Variants in TBL1XR1 observed in about 807,000 individuals in gnomAD.
TBL1XR1 encodes the protein TBL1X/Y related 1.
In TBL1XR1, 5 loss-of-function variants were observed where a neutral mutation model predicts 66.9. That is an observed-to-expected ratio of 0.07 (90% CI 0.04 to 0.16). The LOEUF (loss-of-function observed/expected upper bound fraction) is 0.16, where lower values mean the gene tolerates loss of function less well. Among genes scored for constraint, TBL1XR1 ranks in the 10% least tolerant of loss-of-function variants. The pLI, the probability that TBL1XR1 is intolerant of heterozygous loss-of-function variation, is 1.00. For synonymous variants in TBL1XR1, 210 were observed against 206.0 expected, an observed-to-expected ratio of 1.02 and a Z score of -0.17; for missense variants, 238 against 623.2, an observed-to-expected ratio of 0.38 and a Z score of 6.58.
At chr3:177,106,934 T>C (rs929471672) in intron 1 of TBL1XR1, among the ~76,000 whole-genome samples, 1 of 151,944 alleles carries the variant, frequency 6.6e-6, no homozygotes, top group African/African-American at 2.4e-5. Context: ...AAAATTATCA[T>C]TTATAAAACT....
intron 3 of TBL1XR1, among the ~76,000 whole-genome samples, chr3:177,057,074 C>T (rs553455359): frequency 1.3e-5 from 2 of 152,246 alleles, no homozygotes; most frequent in Admixed American, 6.5e-5. Context: ...TGTAATCTGG[C>T]TCTTCTGTCT....
In TBL1XR1 at chr3:177,137,230, C is replaced by A. The variant is rs559190945; in HGVS notation, c.-121-38689G>T. 4.6e-5 allele frequency among the ~76,000 whole-genome samples: 7 copies of A among 152,212 alleles called. No homozygotes were observed. The South Asian group carries it at 1.2e-3, about 27-fold the overall frequency. ...TGGCCCGGCATGGCATGGTGGCTTG[C>A]GCCTGTAATCCCAGCACTTTGGGAG... On this transcript the variant is annotated intron_variant, in intron 1 of 15. Transcript: ENST00000457928.
chr3:177,083,412 AT>A (rs1250582018), intron 2 of TBL1XR1, among the ~76,000 whole-genome samples: 1 of 152,202 alleles, frequency 6.6e-6, no homozygotes, highest in African/African-American at 2.4e-5. Flanking sequence ...ATATTTCTCT[AT>A]CTTTCTGCAT....
At chr3:177,066,124 A>G (rs992499028) in intron 2 of TBL1XR1, among the ~76,000 whole-genome samples, 10 of 152,166 alleles carry the variant, frequency 6.6e-5, no homozygotes, top group African/African-American at 2.4e-4. Context: ...GTCCTGCCAC[A>G]TCATGGATTT....
At chr3:177,052,499 G>C (rs1418749540) in intron 4 of TBL1XR1, among the ~76,000 whole-genome samples, 1 of 152,114 alleles carries the variant, frequency 6.6e-6, no homozygotes, top group Admixed American at 6.6e-5. Flanking sequence ...AATATTTCAG[G>C]AACAGGAGAA....
At chr3:177,083,309 ATGTC>A (rs35971834) in intron 2 of TBL1XR1, among the ~76,000 whole-genome samples, 12,963 of 152,122 alleles carry the variant, frequency 0.085, 666 homozygotes, top group South Asian at 0.21. Context: ...TCCCCTCCAA[ATGTC>A]TGTATTAGAA....
chr3:177,106,657 G>A (rs1724929184), intron 1 of TBL1XR1, among the ~76,000 whole-genome samples: 1 of 152,158 alleles, frequency 6.6e-6, no homozygotes, highest in Non-Finnish European at 1.5e-5. Context: ...GCTAATCAGT[G>A]CCTAGCATAG....
intron 10 of TBL1XR1, among the ~76,000 whole-genome samples, 199 bp downstream of exon 10, chr3:177,045,930 T>C (rs899629180): frequency 4.6e-5 from 7 of 152,176 alleles, no homozygotes; most frequent in Non-Finnish European, 8.8e-5. Context: ...AAATGCTTTA[T>C]GGTACATTTC....
intron 2 of TBL1XR1, among the ~76,000 whole-genome samples, chr3:177,090,972 G>A (rs958300100): frequency 6.6e-6 from 1 of 151,916 alleles, no homozygotes; most frequent in Non-Finnish European, 1.5e-5. Flanking sequence ...CTGGGTGACT[G>A]AGTGACACCC....
intron 1 of TBL1XR1, among the ~76,000 whole-genome samples, chr3:177,166,407 C>A (rs1732830000): frequency 6.6e-6 from 1 of 152,154 alleles, no homozygotes; most frequent in African/African-American, 2.4e-5. Context: ...TGTTCCACAT[C>A]ATATACTGAT....
chr3:177,054,756 T>C (rs997407632), intron 3 of TBL1XR1, among the ~76,000 whole-genome samples: 2 of 152,212 alleles, frequency 1.3e-5, no homozygotes, highest in African/African-American at 4.8e-5. Context: ...AACTCATCTA[T>C]ATGAAATATT....
At chr3:177,126,815 C>CAA (rs10559049) in intron 1 of TBL1XR1, among the ~76,000 whole-genome samples, 3 of 148,220 alleles carry the variant, frequency 2.0e-5, no homozygotes, top group African/African-American at 2.5e-5. Context: ...CATTTTCAGC[C>CAA]AAAAAAAAAA....
intron 1 of TBL1XR1, among the ~76,000 whole-genome samples, chr3:177,188,446 C>T (rs1735708158): frequency 6.6e-6 from 1 of 152,020 alleles, no homozygotes; most frequent in South Asian, 2.1e-4. Flanking sequence ...ACTCAGAAGG[C>T]TGAGGCAGGA....
intron 13 of TBL1XR1, 54 bp from the exon 14 acceptor site, chr3:177,033,190 C>T: frequency 1.4e-6 from 2 of 1,402,988 alleles, no homozygotes; most frequent in South Asian, 3.8e-5. Flanking sequence ...ACTCCCCCAG[C>T]CTTGCTCCCA....
chr3:177,072,301 A>C (rs1212886754), intron 2 of TBL1XR1, among the ~76,000 whole-genome samples: 1 of 152,212 alleles, frequency 6.6e-6, no homozygotes, highest in Non-Finnish European at 1.5e-5. Context: ...CTGTGAGGTC[A>C]AAATTACTTT....
At chr3:177,041,410 A>C (rs1235620260) in intron 10 of TBL1XR1, among the ~76,000 whole-genome samples, 1 of 152,208 alleles carries the variant, frequency 6.6e-6, no homozygotes, top group Non-Finnish European at 1.5e-5. Context: ...TTTCTTCACC[A>C]GAATCACTTC....
intron 12 of TBL1XR1, among the ~76,000 whole-genome samples, chr3:177,035,588 A>C (rs1052709695): frequency 1.1e-4 from 16 of 151,992 alleles, no homozygotes; most frequent in African/African-American, 3.9e-4. Context: ...TAAATTTGGT[A>C]TATTTAGCAG....
At chr3:177,166,862 G>A (rs1732882534) in intron 1 of TBL1XR1, among the ~76,000 whole-genome samples, 1 of 152,230 alleles carries the variant, frequency 6.6e-6, no homozygotes, top group Non-Finnish European at 1.5e-5. Context: ...TGCTGGTGAA[G>A]ATGTGGAGCA....
chr3:177,065,124 C>G (rs983164380), intron 2 of TBL1XR1, 102 bp from the exon 3 acceptor site: 2 of 761,714 alleles, frequency 2.6e-6, no homozygotes, highest in South Asian at 3.9e-5. Context: ...TGATGTAAAA[C>G]GAAGGTTCTA....
Sources: gnomAD v4.1 joint callset for allele counts (sites outside exome capture counted in the v4.1 genomes callset) on GRCh38, gnomAD v4.1.1 for gene constraint, MANE v1.5 for transcripts, NCBI Gene and HGNC (gene_info 2026-07-23, HGNC 2026-07-21) for gene names.